Variants in ARID2 observed in about 807,000 individuals in gnomAD.
ARID2 encodes AT-rich interactive domain-containing protein 2.
In ARID2, 32 loss-of-function variants were observed where a neutral mutation model predicts 184.6. That is an observed-to-expected ratio of 0.17 (90% CI 0.13 to 0.23). The LOEUF (loss-of-function observed/expected upper bound fraction) is 0.23, where lower values mean the gene tolerates loss of function less well. Ranked by LOEUF, ARID2 falls within the 10% of genes least tolerant of loss-of-function variation. The pLI, the probability that ARID2 is intolerant of heterozygous loss-of-function variation, is 1.00. For missense variants in ARID2, 1,696 were observed against 2,197.6 expected (o/e 0.77, Z 4.56); for synonymous variants, 836 against 772.6 (o/e 1.08, Z -1.36).
At chr12:45,748,536 A>AG (rs34203792) in intron 3 of ARID2, among the ~76,000 whole-genome samples, 24,094 of 152,118 alleles carry the variant, frequency 0.16, 2,129 homozygotes, top group Admixed American at 0.21. Context: ...TGGTTACTGA[A>AG]GATTGGGGTG....
In ARID2 at chr12:45,905,940, C is replaced by CTTTTTTTTTTTTCTTTTTTTT. The variant is rs1362533296; in HGVS notation, c.*873_*874insTCTTTTTTTTTTTTTTTTTTT. The CTTTTTTTTTTTTCTTTTTTTT allele has an allele frequency of 1.1e-4, 18 of 166,948 alleles. No individual in the cohort carries two copies. The highest frequency in any genetic ancestry group is 5.0e-4 in the African/African-American group (18 of 35,808). 10.3% of individuals were successfully genotyped at this position (166,948 alleles called of 1,614,324 possible). A position where few individuals can be genotyped will look rare whatever the true frequency, so the allele number is the denominator to read the frequency against. On this transcript the variant is annotated 3_prime_UTR_variant, in exon 21 of 21. Transcript: ENST00000334344. Reference sequence around the variant, plus strand: ...GAACTGTGATTTTTTTTTCTTTTTTCTTTTTTTTTTTCTTTTTTTTTTTGT... The same window carrying CTTTTTTTTTTTTCTTTTTTTT: ...GAACTGTGATTTTTTTTTCTTTTTTCTTTTTTTTTTTTCTTTTTTTTTTTTTTTTTTTCTTTTTTTTTTTGT...
chr12:45,817,282 A>C (rs1473816615), intron 4 of ARID2, among the ~76,000 whole-genome samples: 1 of 152,058 alleles, frequency 6.6e-6, no homozygotes, highest in South Asian at 2.1e-4. Flanking sequence ...TGAGCTTGGG[A>C]GATTGAGGCT....
intron 16 of ARID2, among the ~76,000 whole-genome samples, chr12:45,873,755 C>A (rs1425149692): frequency 6.6e-6 from 1 of 152,058 alleles, no homozygotes; most frequent in Non-Finnish European, 1.5e-5. Context: ...AGGTACATAC[C>A]TTAATTAAAA....
intron 16 of ARID2, among the ~76,000 whole-genome samples, chr12:45,890,170 CAGAT>C (rs1389175948): frequency 6.6e-6 from 1 of 152,120 alleles, no homozygotes; most frequent in Non-Finnish European, 1.5e-5. Flanking sequence ...ACTCTGAGGA[CAGAT>C]AGACTAATGA....
At chr12:45,900,866 A>G (rs991405246) in intron 20 of ARID2, among the ~76,000 whole-genome samples, 5 of 152,110 alleles carry the variant, frequency 3.3e-5, no homozygotes, top group Admixed American at 3.3e-4. Flanking sequence ...TGAGAAGACT[A>G]GTGACATTCT....
intron 3 of ARID2, among the ~76,000 whole-genome samples, chr12:45,767,321 C>G (rs1941789889): frequency 1.3e-5 from 2 of 151,922 alleles, no homozygotes; most frequent in South Asian, 4.2e-4. Flanking sequence ...TTCTCTCAGT[C>G]TATGGCTTGT....
At chr12:45,777,403 T>C (rs985865549) in intron 3 of ARID2, among the ~76,000 whole-genome samples, 1 of 152,180 alleles carries the variant, frequency 6.6e-6, no homozygotes, top group Non-Finnish European at 1.5e-5. Context: ...TGAATTGCCA[T>C]TGAGATGATA....
chr12:45,766,299 G>C (rs1435871456), intron 3 of ARID2, among the ~76,000 whole-genome samples: 1 of 147,670 alleles, frequency 6.8e-6, no homozygotes, highest in African/African-American at 2.5e-5. Context: ...TCCTGAGTAG[G>C]TGGGATTACA....
intron 4 of ARID2, among the ~76,000 whole-genome samples, chr12:45,813,119 A>G (rs1942740963): frequency 1.3e-5 from 2 of 152,264 alleles, no homozygotes; most frequent in Middle Eastern, 3.4e-3. Flanking sequence ...CTGATATGCT[A>G]TTATATGTGT....
At chr12:45,817,599 G>C in intron 4 of ARID2, 71 bp from the exon 5 acceptor site, 1 of 713,704 alleles carries the variant, frequency 1.4e-6, no homozygotes, top group Non-Finnish European at 2.2e-6. Context: ...GCTGTGTTCT[G>C]TATTCAAGGG....
intron 3 of ARID2, among the ~76,000 whole-genome samples, chr12:45,768,471 A>G (rs1046900385): frequency 6.6e-6 from 1 of 152,168 alleles, no homozygotes; most frequent in Non-Finnish European, 1.5e-5. Flanking sequence ...AGAGAAGTGC[A>G]CCATTGTTCC....
At chr12:45,881,063 G>T in intron 16 of ARID2, 1 of 171,388 alleles carries the variant, frequency 5.8e-6, no homozygotes, top group Non-Finnish European at 1.3e-5. Flanking sequence ...TCCTGCTGCA[G>T]GTTCTGCTGC....
chr12:45,899,711 T>TTATATATATATGGTTTTA lies in ARID2; in HGVS notation c.5364-5208_5364-5207insTTATATATATATATGGTT, dbSNP rs1555161513. ...TATATATGGTTATATATATATATGG[T>TTATATATATATGGTTTTA]TATATATATATGGTTATATATATAT... On this transcript the variant is annotated intron_variant, in intron 20 of 20. Transcript: ENST00000334344. Among the ~76,000 whole-genome samples, 51 of 132,932 alleles carry TTATATATATATGGTTTTA rather than the reference T, an allele frequency of 3.8e-4. 1 individual carries two copies. Among genetic ancestry groups the TTATATATATATGGTTTTA allele is most frequent in the African/African-American group, 1.1e-3 (39 of 34,544 alleles). 87.2% of individuals were successfully genotyped at this position (132,932 alleles called of 152,430 possible). A position where few individuals can be genotyped will look rare whatever the true frequency, so the allele number is the denominator to read the frequency against.
chr12:45,894,827 T>C (rs948116277), intron 20 of ARID2, among the ~76,000 whole-genome samples: 1 of 152,202 alleles, frequency 6.6e-6, no homozygotes, highest in Non-Finnish European at 1.5e-5. Context: ...TTTCTTACTT[T>C]ATTTCCCTTC....
In ARID2 at chr12:45,852,694, G is replaced by C. The variant is rs762393136; in HGVS notation, c.4571G>C (p.Arg1524Thr). 2.5e-6 allele frequency: 4 copies of C among 1,614,062 alleles called. No individual in the cohort carries two copies. The East Asian group carries it at 6.7e-5, about 27-fold the overall frequency. The change falls in exon 15 of 21, where the codon AGG becomes ACG. Residue 1524 changes from arginine to threonine, a missense_variant. Physicochemically the swap from Arg to Thr is moderately conservative, Grantham distance 71 (BLOSUM62 -1). Transcript: ENST00000334344. ...AAGAGGCCAGCAGAGGATACTGATA[G>C]GGAAACAGTCGCAGGAATTCCAAAT... ...TVKRPAEDTD[R>T]ETVAGIPNKV... is the part of the protein sequence containing the mutation.
At chr12:45,891,683 G>T (rs2138231339) in intron 16 of ARID2, 97 bp from the exon 17 acceptor site, 1 of 1,356,532 alleles carries the variant, frequency 7.4e-7, no homozygotes, top group South Asian at 1.4e-5. Flanking sequence ...CAGTACAACT[G>T]ATGATTCCAC....
At chr12:45,863,350 G>A (rs551170704) in intron 16 of ARID2, among the ~76,000 whole-genome samples, 24 of 152,288 alleles carry the variant, frequency 1.6e-4, no homozygotes, top group African/African-American at 5.3e-4. Flanking sequence ...CCAGTTCCAA[G>A]TAGGAACATA....
chr12:45,771,225 G>A (rs1383018959), intron 3 of ARID2, among the ~76,000 whole-genome samples: 1 of 152,120 alleles, frequency 6.6e-6, no homozygotes, highest in Non-Finnish European at 1.5e-5. Context: ...GGGCGTGGTG[G>A]CTCACGCCTG....
At chr12:45,759,089 C>T (rs1359355388) in intron 3 of ARID2, among the ~76,000 whole-genome samples, 1 of 151,950 alleles carries the variant, frequency 6.6e-6, no homozygotes, top group Non-Finnish European at 1.5e-5. Context: ...ATTAATTATT[C>T]TGATATGCTT....
Sources: gnomAD v4.1 joint callset for allele counts (sites outside exome capture counted in the v4.1 genomes callset) on GRCh38, gnomAD v4.1.1 for gene constraint, MANE v1.5 for transcripts, NCBI Gene and HGNC (gene_info 2026-07-23, HGNC 2026-07-21) for gene names.